Variants in TMTC2 observed in about 807,000 individuals in gnomAD.
TMTC2 encodes the protein transmembrane O-mannosyltransferase targeting cadherins 2, also known as protein O-mannosyl-transferase TMTC2.
A neutral mutation model predicts 82.4 loss-of-function variants in TMTC2; 43 were observed. The observed-to-expected ratio is 0.52, with a 90% confidence interval of 0.41 to 0.67. The LOEUF (loss-of-function observed/expected upper bound fraction) is 0.67, where lower values mean the gene tolerates loss of function less well. Ranked by LOEUF, TMTC2 falls within the 30% of genes least tolerant of loss-of-function variation. The probability of loss-of-function intolerance (pLI) is 0.00; values close to 1 mark genes in which losing one functional copy is unlikely to be tolerated. For synonymous variants in TMTC2, 408 were observed against 381.9 expected, an observed-to-expected ratio of 1.07 and a Z score of -0.80; for missense variants, 919 against 1,012.4, an observed-to-expected ratio of 0.91 and a Z score of 1.25.
chr12:82,728,183 G>T (rs2136935395), intron 1 of TMTC2, among the ~76,000 whole-genome samples: 1 of 152,026 alleles, frequency 6.6e-6, no homozygotes, highest in Admixed American at 6.6e-5. Flanking sequence ...GTTAGGTAGG[G>T]TGCCTGGTTC....
intron 1 of TMTC2, among the ~76,000 whole-genome samples, chr12:82,801,812 G>A (rs986173649): frequency 2.0e-5 from 3 of 152,106 alleles, no homozygotes; most frequent in Non-Finnish European, 2.9e-5. Context: ...ACGGAGTGTC[G>A]ATTGGTGCAT....
chr12:82,933,712 G>GC (rs1422849694), intron 4 of TMTC2, among the ~76,000 whole-genome samples: 8 of 152,138 alleles, frequency 5.3e-5, no homozygotes, highest in African/African-American at 1.9e-4. Flanking sequence ...CATTTTAGAA[G>GC]CTTTAGGGAA....
intron 1 of TMTC2, among the ~76,000 whole-genome samples, chr12:82,708,106 C>G (rs543615929): frequency 2.4e-4 from 37 of 152,326 alleles, no homozygotes; most frequent in Non-Finnish European, 8.8e-5. Context: ...TCTGCTTTCT[C>G]TCTACAATGT....
intron 2 of TMTC2, among the ~76,000 whole-genome samples, chr12:82,886,827 G>C (rs1873123277): frequency 6.6e-6 from 1 of 152,148 alleles, no homozygotes; most frequent in Admixed American, 6.5e-5. Context: ...ATATGTTCTA[G>C]AAACAATTCC....
chr12:82,794,259 C>T (rs892855603), intron 1 of TMTC2, among the ~76,000 whole-genome samples: 7 of 152,122 alleles, frequency 4.6e-5, no homozygotes, highest in African/African-American at 1.7e-4. Flanking sequence ...ATCCTTTGTC[C>T]TTCCTCTTTT....
chr12:82,918,191 G>A lies in TMTC2; in HGVS notation c.1484-12240G>A, dbSNP rs11115485. ...TCCCAAAGTACTAGATTATAGGTAT[G>A]AGCCACTGCGCCTGGCCAAAATTGG... On this transcript the variant is annotated intron_variant, in intron 3 of 11. Transcript: ENST00000321196. 6.3e-4 allele frequency among the ~76,000 whole-genome samples: 96 copies of A among 152,298 alleles called. 2 individuals carry two copies. In the East Asian group the frequency reaches 0.018, roughly 28 times the overall value.
intron 1 of TMTC2, among the ~76,000 whole-genome samples, chr12:82,735,916 T>G (rs1592887712): frequency 6.6e-6 from 1 of 151,878 alleles, no homozygotes; most frequent in African/African-American, 2.4e-5. Context: ...TAGGTTGCAG[T>G]GAGCCAAGTT....
At chr12:82,925,425 A>G (rs1002940806) in intron 3 of TMTC2, among the ~76,000 whole-genome samples, 3 of 152,214 alleles carry the variant, frequency 2.0e-5, no homozygotes, top group Non-Finnish European at 2.9e-5. Context: ...TGAACAATCA[A>G]CCAAATAAGT....
chr12:82,903,482 C>G lies in TMTC2; in HGVS notation c.1483+6836C>G, dbSNP rs189525751. On this transcript the variant is annotated intron_variant, in intron 3 of 11. Coordinates refer to ENST00000321196, the MANE Select transcript of TMTC2 (RefSeq NM_152588.3). Reference sequence around the variant, plus strand: ...GCTGGAGTGCAGTGGCGCGATCTCGCCTCACTGCAAGCGCCGCCTCCCAGG... The same window carrying G: ...GCTGGAGTGCAGTGGCGCGATCTCGGCTCACTGCAAGCGCCGCCTCCCAGG... Among the ~76,000 whole-genome samples the G allele has an allele frequency of 6.6e-5, 10 of 152,200 alleles. No individual in the cohort carries two copies. The East Asian group carries it at 7.7e-4, about 12-fold the overall frequency.
intron 1 of TMTC2, among the ~76,000 whole-genome samples, chr12:82,766,587 A>G (rs866539265): frequency 1.4e-4 from 21 of 152,186 alleles, no homozygotes; most frequent in Admixed American, 1.3e-4. Context: ...TGCATTTTTT[A>G]GCCTACATCT....
At chr12:82,745,359 A>C (rs1465274726) in intron 1 of TMTC2, among the ~76,000 whole-genome samples, 1 of 152,216 alleles carries the variant, frequency 6.6e-6, no homozygotes, top group African/African-American at 2.4e-5. Flanking sequence ...CCTGTGTTAC[A>C]AGATAAAGTT....
chr12:83,026,469 C>A (rs1028930579), intron 8 of TMTC2, among the ~76,000 whole-genome samples: 28 of 151,962 alleles, frequency 1.8e-4, no homozygotes, highest in African/African-American at 6.3e-4. Flanking sequence ...AATGTAAGGT[C>A]TTGGTGCCTT....
chr12:82,883,068 A>C (rs1219650715), intron 2 of TMTC2, among the ~76,000 whole-genome samples: 6 of 109,242 alleles, frequency 5.5e-5, no homozygotes, highest in African/African-American at 9.1e-5. Flanking sequence ...AAAAAAAAAA[A>C]AAAAAAAAAA....
chr12:82,728,972 G>A (rs1373088157), intron 1 of TMTC2, among the ~76,000 whole-genome samples: 1 of 152,212 alleles, frequency 6.6e-6, no homozygotes, highest in Non-Finnish European at 1.5e-5. Context: ...GGCAGGGCTC[G>A]GGACCTGCAG....
chr12:82,758,106 A>T (rs1280857874), intron 1 of TMTC2, among the ~76,000 whole-genome samples: 2 of 152,168 alleles, frequency 1.3e-5, no homozygotes, highest in Non-Finnish European at 2.9e-5. Flanking sequence ...TTTATAAAAG[A>T]ATATGAATAA....
At position 82,828,396 on chromosome 12, in the gene TMTC2, C is replaced by T. The variant is rs189466251; in HGVS notation, c.84-28614C>T. Reference sequence around the variant, plus strand: ...TCCCGGCTATGTAGAGATGGGGTTTCGCCAGGTGGGCCAGACTGGTCTTGA... The same window carrying T: ...TCCCGGCTATGTAGAGATGGGGTTTTGCCAGGTGGGCCAGACTGGTCTTGA... On this transcript the variant is annotated intron_variant, in intron 1 of 11. Transcript: ENST00000321196. Among the ~76,000 whole-genome samples, 31 of 151,994 alleles carry T rather than the reference C, an allele frequency of 2.0e-4. No individual in the cohort carries two copies. In the East Asian group the frequency reaches 3.9e-3, roughly 19 times the overall value.
At chr12:82,918,580 T>A (rs955792402) in intron 3 of TMTC2, among the ~76,000 whole-genome samples, 2 of 152,148 alleles carry the variant, frequency 1.3e-5, no homozygotes, top group African/African-American at 4.8e-5. Flanking sequence ...GACTGTGCAG[T>A]GTATTAGTAA....
In TMTC2 at chr12:82,815,060, T is replaced by C. The variant is rs370598784; in HGVS notation, c.84-41950T>C. 8.1e-4 allele frequency among the ~76,000 whole-genome samples: 124 copies of C among 152,210 alleles called. 2 individuals are homozygous for C. The South Asian group carries it at 0.025, about 31-fold the overall frequency. ...CTAGGCTTGGAGATGACCAGTGGCA[T>C]TTTCTGATAGTAGTGTGTGACAAAC... On this transcript the variant is annotated intron_variant, in intron 1 of 11. Transcript: ENST00000321196.
intron 8 of TMTC2, among the ~76,000 whole-genome samples, chr12:82,992,370 C>T (rs1338307479): frequency 6.6e-6 from 1 of 152,132 alleles, no homozygotes; most frequent in Non-Finnish European, 1.5e-5. Flanking sequence ...AATTACTGCA[C>T]AGACATGTTT....
Sources: gnomAD v4.1 joint callset for allele counts (sites outside exome capture counted in the v4.1 genomes callset) on GRCh38, gnomAD v4.1.1 for gene constraint, MANE v1.5 for transcripts, NCBI Gene and HGNC (gene_info 2026-07-23, HGNC 2026-07-21) for gene names.